AGBL4: variants seen among roughly 807,000 people sequenced by gnomAD.
AGBL4 encodes cytosolic carboxypeptidase 6.
A neutral mutation model predicts 66.4 loss-of-function variants in AGBL4; 58 were observed. That is an observed-to-expected ratio of 0.87 (90% CI 0.71 to 1.09). The LOEUF (loss-of-function observed/expected upper bound fraction) is 1.09, where lower values mean the gene tolerates loss of function less well. AGBL4 is among the 50% of genes least tolerant of loss of function. The pLI is 0.00. For synonymous variants in AGBL4, 234 were observed against 222.9 expected (o/e 1.05, Z -0.44); for missense variants, 579 against 631.0 (o/e 0.92, Z 0.88).
intron 6 of AGBL4, among the ~76,000 whole-genome samples, chr1:48,709,426 C>A (rs1231492831): frequency 6.6e-6 from 1 of 151,910 alleles, no homozygotes; most frequent in Non-Finnish European, 1.5e-5. Flanking sequence ...AATAGAAAAC[C>A]AAAAACACAT....
intron 3 of AGBL4, among the ~76,000 whole-genome samples, chr1:49,382,378 C>T (rs1215486666): frequency 2.0e-5 from 3 of 151,668 alleles, no homozygotes; most frequent in Non-Finnish European, 4.4e-5. Context: ...CAGTATAATA[C>T]ACCATATTGA....
intron 1 of AGBL4, among the ~76,000 whole-genome samples, chr1:50,013,214 T>C (rs778360086): frequency 2.1e-4 from 32 of 152,132 alleles, no homozygotes; most frequent in Non-Finnish European, 3.8e-4. Context: ...AAGGAAGAAA[T>C]AGTCCTCTGT....
chr1:49,606,422 C>T (rs528048757), intron 3 of AGBL4, among the ~76,000 whole-genome samples: 7 of 152,156 alleles, frequency 4.6e-5, no homozygotes, highest in African/African-American at 1.2e-4. Context: ...AATGCTGCTG[C>T]GATCTTATTT....
chr1:48,757,305 C>T (rs539728313), intron 6 of AGBL4, among the ~76,000 whole-genome samples: 1 of 152,312 alleles, frequency 6.6e-6, no homozygotes, highest in South Asian at 2.1e-4. Context: ...CCCCCATCAC[C>T]ACTACAAGAA....
At chr1:49,527,563 G>T (rs1388382209) in intron 3 of AGBL4, 1 of 152,772 alleles carries the variant, frequency 6.5e-6, no homozygotes, top group Non-Finnish European at 1.5e-5. Flanking sequence ...TCCAGGATAT[G>T]CCCAAGCTCT....
At chr1:48,703,152 G>A (rs1646829006) in intron 6 of AGBL4, among the ~76,000 whole-genome samples, 1 of 152,108 alleles carries the variant, frequency 6.6e-6, no homozygotes, top group Non-Finnish European at 1.5e-5. Flanking sequence ...AAAGAAAATC[G>A]AGAATGCTTC....
chr1:48,702,124 G>C (rs533026990), intron 6 of AGBL4, among the ~76,000 whole-genome samples: 1 of 152,194 alleles, frequency 6.6e-6, no homozygotes, highest in African/African-American at 2.4e-5. Flanking sequence ...TTTACTTCCT[G>C]CATGTCCTGT....
intron 6 of AGBL4, among the ~76,000 whole-genome samples, chr1:48,863,073 T>C (rs1647643301): frequency 6.6e-6 from 1 of 152,222 alleles, no homozygotes; most frequent in Non-Finnish European, 1.5e-5. Flanking sequence ...TAATAATACA[T>C]TGTTTTCCTT....
intron 3 of AGBL4, among the ~76,000 whole-genome samples, chr1:49,683,907 A>G (rs751817711): frequency 1.7e-4 from 26 of 152,312 alleles, no homozygotes; most frequent in Non-Finnish European, 3.4e-4. Context: ...GGCTGCTGGA[A>G]AGATGAATTA....
At chr1:48,530,126 A>ATATC (rs577947870), downstream of AGBL4, among the ~76,000 whole-genome samples, 106 of 152,294 alleles carry the variant, frequency 7.0e-4, no homozygotes, top group African/African-American at 2.5e-3. Context: ...ACAAATGGAT[A>ATATC]AGGCCCAGCA....
In AGBL4 at chr1:48,782,246, A is replaced by G. The variant is rs76100436; in HGVS notation, c.634+84945T>C. Among the ~76,000 whole-genome samples the G allele has an allele frequency of 3.3e-5, 5 of 152,302 alleles. No homozygotes were observed. The East Asian group carries it at 7.7e-4, about 23-fold the overall frequency. ...CCAAATGTGCTTTGCCTTTCATCCAAGTCATTTTAATGGAGCAGAAAATGT... is the reference window on the plus strand; with the variant it reads ...CCAAATGTGCTTTGCCTTTCATCCAGGTCATTTTAATGGAGCAGAAAATGT... On this transcript the variant is annotated intron_variant, in intron 6 of 13. Coordinates refer to ENST00000371839, the MANE Select transcript of AGBL4 (RefSeq NM_032785.4).
chr1:49,293,110 C>T (rs1644574443), intron 3 of AGBL4, among the ~76,000 whole-genome samples: 1 of 152,210 alleles, frequency 6.6e-6, no homozygotes, highest in Admixed American at 6.5e-5. Flanking sequence ...ATCACATTTC[C>T]TGGTGCCAGC....
At chr1:48,920,694 A>G (rs1295758991) in intron 5 of AGBL4, among the ~76,000 whole-genome samples, 7 of 152,114 alleles carry the variant, frequency 4.6e-5, no homozygotes, top group Admixed American at 4.6e-4. Context: ...GACTTCAAAC[A>G]CCTTGCTGTT....
At chr1:48,708,392 GC>G (rs1156745980) in intron 6 of AGBL4, among the ~76,000 whole-genome samples, 1 of 152,170 alleles carries the variant, frequency 6.6e-6, no homozygotes, top group Non-Finnish European at 1.5e-5. Flanking sequence ...AGCCGTTGGG[GC>G]TTGATGAACC....
At chr1:48,831,354 G>A (rs1284655189) in intron 6 of AGBL4, among the ~76,000 whole-genome samples, 1 of 152,172 alleles carries the variant, frequency 6.6e-6, no homozygotes. Context: ...ATATCTGAGA[G>A]AGCCTCTTGT....
Position 49,951,203 on chromosome 1 carries a change from T to C in AGBL4, c.34+72560A>G, listed in dbSNP as rs573341918. 2.0e-5 allele frequency among the ~76,000 whole-genome samples: 3 copies of C among 151,978 alleles called. No individual in the cohort carries two copies. In the East Asian group the frequency reaches 5.8e-4, roughly 29 times the overall value. Reference sequence around the variant, plus strand: ...AATGTATTGCATGTTTGAAAATTGCTAAGTGAGTAGATCTTCAATGTTCTC... The same window carrying C: ...AATGTATTGCATGTTTGAAAATTGCCAAGTGAGTAGATCTTCAATGTTCTC... On this transcript the variant is annotated intron_variant, in intron 1 of 13. Transcript: ENST00000371839.
intron 5 of AGBL4, among the ~76,000 whole-genome samples, chr1:48,925,874 T>C (rs563923352): frequency 1.3e-5 from 2 of 152,290 alleles, no homozygotes; most frequent in Admixed American, 1.3e-4. Flanking sequence ...TATAGAAGTT[T>C]TTTTCTGAGG....
At chr1:49,422,084 TCATAG>T (rs968941198) in intron 3 of AGBL4, among the ~76,000 whole-genome samples, 2 of 152,204 alleles carry the variant, frequency 1.3e-5, no homozygotes, top group African/African-American at 4.8e-5. Flanking sequence ...CTTAATCAAT[TCATAG>T]ATAGTTACAA....
chr1:48,615,690 G>A (rs1054222743), intron 9 of AGBL4, among the ~76,000 whole-genome samples: 1 of 152,134 alleles, frequency 6.6e-6, no homozygotes, highest in Admixed American at 6.5e-5. Context: ...TTACATCCTC[G>A]GTAGTTCTAC....
Sources: gnomAD v4.1 joint callset for allele counts (sites outside exome capture counted in the v4.1 genomes callset) on GRCh38, gnomAD v4.1.1 for gene constraint, MANE v1.5 for transcripts, NCBI Gene and HGNC (gene_info 2026-07-23, HGNC 2026-07-21) for gene names.